Variants in PTPRT observed in about 807,000 individuals in gnomAD.
The protein encoded by PTPRT is receptor-type tyrosine-protein phosphatase T.
Under a neutral mutation model 176.8 loss-of-function variants are expected in PTPRT, and 56 were observed. The observed-to-expected ratio is 0.32, with a 90% CI of 0.26 to 0.40. The LOEUF (loss-of-function observed/expected upper bound fraction) is 0.40, where lower values mean the gene tolerates loss of function less well. Ranked by LOEUF, PTPRT falls within the 10% of genes least tolerant of loss-of-function variation. The probability of loss-of-function intolerance (pLI) is 1.00; values close to 1 mark genes in which losing one functional copy is unlikely to be tolerated. For missense variants in PTPRT, 1,540 were observed against 1,908.2 expected (o/e 0.81, Z 3.60); for synonymous variants, 783 against 739.0 (o/e 1.06, Z -0.96).
chr20:42,743,921 G>A (rs148282778), intron 6 of PTPRT, among the ~76,000 whole-genome samples: 8 of 152,286 alleles, frequency 5.3e-5, no homozygotes, highest in Admixed American at 3.3e-4. Flanking sequence ...AATGATTGGC[G>A]GTGCTTGTTT....
chr20:42,919,192 CACCCA>C (rs1235437385), intron 1 of PTPRT, among the ~76,000 whole-genome samples: 1 of 152,164 alleles, frequency 6.6e-6, no homozygotes, highest in African/African-American at 2.4e-5. Flanking sequence ...CATAAAGGGA[CACCCA>C]TTTATTTGGT....
At chr20:42,143,479 C>T (rs1433238301) in intron 17 of PTPRT, among the ~76,000 whole-genome samples, 1 of 151,676 alleles carries the variant, frequency 6.6e-6, no homozygotes, top group African/African-American at 2.4e-5. Flanking sequence ...ATGGCGTGAA[C>T]CCGGGAAGCG....
intron 6 of PTPRT, among the ~76,000 whole-genome samples, chr20:42,741,598 G>A (rs888275298): frequency 5.3e-5 from 8 of 151,840 alleles, no homozygotes; most frequent in South Asian, 2.1e-4. Flanking sequence ...CACCTGACTC[G>A]GCTTCCCAAA....
At chr20:42,969,695 T>C (rs757647056) in intron 1 of PTPRT, 22 of 152,192 alleles carry the variant, frequency 1.4e-4, no homozygotes, top group Non-Finnish European at 2.6e-4. Flanking sequence ...GGTGCTAAGA[T>C]TTGAGTTAAA....
At chr20:42,446,721 A>C (rs2145848224) in intron 9 of PTPRT, among the ~76,000 whole-genome samples, 1 of 152,118 alleles carries the variant, frequency 6.6e-6, no homozygotes, top group Non-Finnish European at 1.5e-5. Context: ...TCTCTTTCCC[A>C]AAGAAGTTTT....
intron 7 of PTPRT, among the ~76,000 whole-genome samples, chr20:42,596,193 T>C (rs1307324288): frequency 6.6e-6 from 1 of 152,138 alleles, no homozygotes; most frequent in Non-Finnish European, 1.5e-5. Flanking sequence ...CTTGGTAAAC[T>C]TAGTGCCTAC....
intron 7 of PTPRT, among the ~76,000 whole-genome samples, chr20:42,644,161 G>A (rs1033639011): frequency 7.9e-5 from 12 of 152,116 alleles, no homozygotes; most frequent in Admixed American, 3.3e-4. Flanking sequence ...AACAGGCTGT[G>A]CAGGTTTACA....
chr20:42,786,615 C>T (rs892967512), intron 3 of PTPRT, among the ~76,000 whole-genome samples: 2 of 152,098 alleles, frequency 1.3e-5, no homozygotes, highest in Non-Finnish European at 2.9e-5. Context: ...GTCCTTTCCC[C>T]CCATGCCTCA....
intron 1 of PTPRT, among the ~76,000 whole-genome samples, chr20:43,131,296 A>C (rs142919863): frequency 6.6e-6 from 1 of 152,152 alleles, no homozygotes; most frequent in African/African-American, 2.4e-5. Context: ...ACAAGCTTCA[A>C]AGTCATTCAT....
At chr20:43,066,336 C>T (rs905409848) in intron 1 of PTPRT, among the ~76,000 whole-genome samples, 2 of 152,198 alleles carry the variant, frequency 1.3e-5, no homozygotes, top group Non-Finnish European at 2.9e-5. Context: ...TCTCTGCAAG[C>T]TCTGTGAATT....
intron 12 of PTPRT, among the ~76,000 whole-genome samples, chr20:42,283,412 G>C (rs2057173334): frequency 6.6e-6 from 1 of 152,152 alleles, no homozygotes; most frequent in South Asian, 2.1e-4. Context: ...TCTTGCTGCA[G>C]CTCATTCACA....
intron 2 of PTPRT, among the ~76,000 whole-genome samples, chr20:42,842,240 C>T (rs558269606): frequency 3.3e-5 from 5 of 152,228 alleles, no homozygotes; most frequent in African/African-American, 1.2e-4. Flanking sequence ...GGCTGCACTG[C>T]GAACATCCCC....
intron 15 of PTPRT, among the ~76,000 whole-genome samples, chr20:42,230,752 G>A (rs1015106479): frequency 6.6e-6 from 1 of 152,164 alleles, no homozygotes; most frequent in African/African-American, 2.4e-5. Flanking sequence ...CACAGGAGAG[G>A]CAAACCTAGA....
intron 22 of PTPRT, among the ~76,000 whole-genome samples, chr20:42,110,950 G>C (rs1986954988): frequency 6.6e-6 from 1 of 152,250 alleles, no homozygotes; most frequent in Admixed American, 6.5e-5. Context: ...AGCCTTGGCT[G>C]TGATAGTCTG....
intron 8 of PTPRT, among the ~76,000 whole-genome samples, chr20:42,451,829 A>G (rs939868917): frequency 1.3e-5 from 2 of 152,200 alleles, no homozygotes; most frequent in African/African-American, 2.4e-5. Context: ...GAGGGTTGAG[A>G]AGAGAGGGGA....
chr20:42,610,487 T>C (rs2073957920), intron 7 of PTPRT, among the ~76,000 whole-genome samples: 1 of 151,938 alleles, frequency 6.6e-6, no homozygotes, highest in African/African-American at 2.4e-5. Flanking sequence ...CCCAAAGGGC[T>C]GGGATTACAG....
chr20:42,916,449 G>C (rs989965759), intron 1 of PTPRT, among the ~76,000 whole-genome samples: 2 of 152,160 alleles, frequency 1.3e-5, no homozygotes, highest in African/African-American at 4.8e-5. Flanking sequence ...CTTTATAGCA[G>C]CATGATTTAT....
intron 7 of PTPRT, among the ~76,000 whole-genome samples, chr20:42,514,430 C>T (rs230171): frequency 0.53 from 80,480 of 152,040 alleles, 24,010 homozygotes; most frequent in African/African-American, 0.82. Context: ...TTTGTTCACG[C>T]TTTTCTTTTC....
rs1983048360 is a variant in PTPRT at position 42,078,980 on chromosome 20, C to T, written c.*1899G>A. ...TGGGCTCTTGAGGGCCAAAGCTGTACCTTCTTGAATTCTCTGCCCCTCATG... is the reference window on the plus strand; with the variant it reads ...TGGGCTCTTGAGGGCCAAAGCTGTATCTTCTTGAATTCTCTGCCCCTCATG... On this transcript the variant is annotated 3_prime_UTR_variant, in exon 31 of 31. Coordinates refer to ENST00000373187, the MANE Select transcript of PTPRT (RefSeq NM_007050.6). 1.1e-5 allele frequency: 2 copies of T among 177,738 alleles called. No homozygotes were observed. Among genetic ancestry groups the T allele is most frequent in the Non-Finnish European group, 2.4e-5 (2 of 82,754 alleles). The allele number at this position is 177,738 out of a possible 1,614,324, so 11.0% of individuals were successfully genotyped here. A position where few individuals can be genotyped will look rare whatever the true frequency, so the allele number is the denominator to read the frequency against.
Sources: allele counts gnomAD v4.1 joint callset (sites outside exome capture counted in the v4.1 genomes callset), GRCh38; gene constraint gnomAD v4.1.1; transcripts MANE v1.5; gene names NCBI Gene and HGNC (gene_info 2026-07-23, HGNC 2026-07-21).